The following UNC5A variants were observed in gnomAD, a reference collection of about 807,000 sequenced individuals.
UNC5A encodes the protein netrin receptor UNC5A.
A neutral mutation model predicts 87.4 loss-of-function variants in UNC5A; 20 were observed. The ratio of observed to expected loss-of-function variants is 0.23; its 90% CI spans 0.16 to 0.33. The LOEUF (loss-of-function observed/expected upper bound fraction) is 0.33, where lower values mean the gene tolerates loss of function less well. Among genes scored for constraint, UNC5A ranks in the 10% least tolerant of loss-of-function variants. The pLI is 1.00. For missense variants in UNC5A, 844 were observed against 1,133.4 expected (o/e 0.74, Z 3.67); for synonymous variants, 438 against 482.3 (o/e 0.91, Z 1.20).
At chr5:176,867,991 A>T (rs1758015128) in intron 2 of UNC5A, 139 bp from the exon 3 acceptor site, 2 of 603,054 alleles carry the variant, frequency 3.3e-6, no homozygotes, top group Non-Finnish European at 4.8e-6. Flanking sequence ...AAAATATAAT[A>T]ATAATAAAAT....
rs1413852416 is a variant in UNC5A at position 176,824,573 on chromosome 5, A to C, written c.70+13753A>C. Among the ~76,000 whole-genome samples the C allele has an allele frequency of 6.6e-6, 1 of 151,730 alleles. No individual in the cohort carries two copies. Among genetic ancestry groups the C allele is most frequent in the Non-Finnish European group, 1.5e-5 (1 of 67,992 alleles). On this transcript the variant is annotated intron_variant, in intron 1 of 14. Coordinates refer to ENST00000329542, the MANE Select transcript of UNC5A (RefSeq NM_133369.3). This position sits in a 1 kb window ranked among gnomAD's most constrained non-coding sequence, Gnocchi z 4.2. ...GAACATTCTAAAAAAAAAAGAGAGAAAGAGAGAGAATTCACATAAAAATCC... is the reference window on the plus strand; with the variant it reads ...GAACATTCTAAAAAAAAAAGAGAGACAGAGAGAGAATTCACATAAAAATCC...
In UNC5A at chr5:176,880,203, T is replaced by G; in HGVS notation, c.*317T>G. 2 of 277,738 alleles carry G rather than the reference T, an allele frequency of 7.2e-6. No homozygotes were observed. The highest frequency in any genetic ancestry group is 6.9e-6 in the Non-Finnish European group (1 of 144,808). 17.2% of individuals were successfully genotyped at this position (277,738 alleles called of 1,614,324 possible). A position where few individuals can be genotyped will look rare whatever the true frequency, so the allele number is the denominator to read the frequency against. ...GATGCTACCTCTCCTCCCGTCCCTCTCCAGGGGCCCCGCATACACACGGCC... is the reference window on the plus strand; with the variant it reads ...GATGCTACCTCTCCTCCCGTCCCTCGCCAGGGGCCCCGCATACACACGGCC... On this transcript the variant is annotated 3_prime_UTR_variant, in exon 15 of 15. Transcript: ENST00000329542.
chr5:176,865,283 G>A lies in UNC5A; in HGVS notation c.292+2438G>A, dbSNP rs1049785542. ...CCTGCTGCTCCCAGCACCCCCTTCC[G>A]GGCTCCCCCGCACACCCCTCTGTCT... On this transcript the variant is annotated intron_variant, in intron 2 of 14. Transcript: ENST00000329542. This position sits in a 1 kb window ranked among gnomAD's most constrained non-coding sequence, Gnocchi z 5.3. 2.1e-4 allele frequency among the ~76,000 whole-genome samples: 32 copies of A among 152,180 alleles called. 1 individual carries two copies. The highest frequency in any genetic ancestry group is 6.8e-3 in the Middle Eastern group (2 of 294).
At chr5:176,863,866 TTCC>T (rs1757909029) in intron 2 of UNC5A, among the ~76,000 whole-genome samples, 2 of 122,152 alleles carry the variant, frequency 1.6e-5, no homozygotes, top group Non-Finnish European at 1.7e-5. Context: ...TCTCCTACCT[TTCC>T]TCCTCCTCCT....
At chr5:176,837,381 C>G (rs564859864) in intron 1 of UNC5A, among the ~76,000 whole-genome samples, 13 of 152,324 alleles carry the variant, frequency 8.5e-5, no homozygotes, top group African/African-American at 2.9e-4. Flanking sequence ...CTTGCAGCCT[C>G]TCTCTCCGGC....
Position 176,812,319 on chromosome 5 carries a change from A to G in UNC5A, c.70+1499A>G, listed in dbSNP as rs1241069932. Among the ~76,000 whole-genome samples the G allele has an allele frequency of 2.0e-5, 3 of 152,106 alleles. 1 individual carries two copies. Among genetic ancestry groups the G allele is most frequent in the Non-Finnish European group, 4.4e-5 (3 of 68,020 alleles). Reference sequence around the variant, plus strand: ...GGGTGTTGCCTGACACCCAGTAGGTACCCTGGAAATGTTTTCTGAGTTGAT... The same window carrying G: ...GGGTGTTGCCTGACACCCAGTAGGTGCCCTGGAAATGTTTTCTGAGTTGAT... On this transcript the variant is annotated intron_variant, in intron 1 of 14. Transcript: ENST00000329542.
At position 176,868,597 on chromosome 5, in the gene UNC5A, A is replaced by G; in HGVS notation, c.473A>G (p.Lys158Arg). ...AACTTCGAGCAGGAGCCGCTGGCCA[A>G]GGAGGTGTCCCTGGAGCAGGGCATC... ...RKNFEQEPLA[K>R]EVSLEQGIVL... The change falls in exon 4 of 15, where the codon AAG becomes AGG. Residue 158 changes from lysine (K) to arginine (R), a missense_variant. Coordinates refer to ENST00000329542, the MANE Select transcript of UNC5A (RefSeq NM_133369.3). 6.2e-7 allele frequency: 1 copy of G among 1,607,214 alleles called. No homozygotes were observed. Among genetic ancestry groups the G allele is most frequent in the Non-Finnish European group, 8.5e-7 (1 of 1,177,516 alleles).
intron 2 of UNC5A, chr5:176,864,761 G>A: frequency 2.2e-6 from 1 of 450,482 alleles, no homozygotes; most frequent in East Asian, 7.0e-5. Flanking sequence ...CCTTGGGTTA[G>A]GTACTAGGAG....
rs1311339465 is a variant in UNC5A at position 176,869,033 on chromosome 5, G to A, written c.721+69G>A. On this transcript the variant is annotated intron_variant, in intron 5 of 14. Coordinates refer to ENST00000329542, the MANE Select transcript of UNC5A (RefSeq NM_133369.3). The surrounding 1 kb of genome is among the most constrained non-coding windows in gnomAD (Gnocchi z 9.1). ...GCCCCTGGGCAGTGACATGTGGCTGGTGGGGTGAAGAGAGGCCATGAGGCC... is the reference window on the plus strand; with the variant it reads ...GCCCCTGGGCAGTGACATGTGGCTGATGGGGTGAAGAGAGGCCATGAGGCC... The A allele has an allele frequency of 5.3e-6, 8 of 1,504,438 alleles. No individual in the cohort carries two copies. Among genetic ancestry groups the A allele is most frequent in the Non-Finnish European group, 7.1e-6 (8 of 1,122,924 alleles). The allele number at this position is 1,504,438 out of a possible 1,614,324, so 93.2% of individuals were successfully genotyped here.
chr5:176,825,536 A>G (rs572661360), intron 1 of UNC5A, among the ~76,000 whole-genome samples: 1 of 152,360 alleles, frequency 6.6e-6, no homozygotes, highest in South Asian at 2.1e-4. Flanking sequence ...AGAGCATGGA[A>G]GGATACCAGG....
At chr5:176,836,179 G>A (rs1757145025) in intron 1 of UNC5A, among the ~76,000 whole-genome samples, 1 of 152,210 alleles carries the variant, frequency 6.6e-6, no homozygotes, top group Admixed American at 6.5e-5. Context: ...AAGTCTGGGG[G>A]AAGGCAGCTT....
rs1281607596 is a variant in UNC5A, at chr5:176,866,823, C to A, written c.293-1307C>A. Reference sequence around the variant, plus strand: ...TGTCCACACTGGGTGTCTTAGAGAACGGGGCAGGTGGTGCCCAGAACGGAG... The same window carrying A: ...TGTCCACACTGGGTGTCTTAGAGAAAGGGGCAGGTGGTGCCCAGAACGGAG... On this transcript the variant is annotated intron_variant, in intron 2 of 14. Coordinates refer to ENST00000329542, the MANE Select transcript of UNC5A (RefSeq NM_133369.3). The surrounding 1 kb of genome is among the most constrained non-coding windows in gnomAD (Gnocchi z 5.0). Among the ~76,000 whole-genome samples the A allele has an allele frequency of 1.3e-5, 2 of 152,264 alleles. No homozygotes were observed. The highest frequency in any genetic ancestry group is 3.9e-4 in the East Asian group (2 of 5,174).
At chr5:176,830,680 G>C (rs1370565529) in intron 1 of UNC5A, among the ~76,000 whole-genome samples, 1 of 146,194 alleles carries the variant, frequency 6.8e-6, no homozygotes, top group African/African-American at 2.5e-5. Context: ...GTGTGGGAGT[G>C]TGTGCTGGCA....
At chr5:176,819,215 T>C (rs1198928559) in intron 1 of UNC5A, among the ~76,000 whole-genome samples, 2 of 152,128 alleles carry the variant, frequency 1.3e-5, no homozygotes, top group African/African-American at 4.8e-5. Context: ...CCCCCACATC[T>C]TTGTTACCTG....
intron 1 of UNC5A, among the ~76,000 whole-genome samples, chr5:176,814,564 C>T (rs1756544104): frequency 6.6e-6 from 1 of 152,234 alleles, no homozygotes. Flanking sequence ...AGTCCAGCCC[C>T]TCCCAAAGGC....
intron 14 of UNC5A, 74 bp from the exon 15 acceptor site, chr5:176,879,647 G>C: frequency 6.3e-7 from 1 of 1,581,584 alleles, no homozygotes; most frequent in African/African-American, 1.3e-5. Context: ...CCCTGCCCTG[G>C]GGTGGGCCAG....
At position 176,875,300 on chromosome 5, in the gene UNC5A, C is replaced by T. The variant is rs1478142884; in HGVS notation, c.1378+734C>T. 1.3e-5 allele frequency among the ~76,000 whole-genome samples: 2 copies of T among 152,184 alleles called. No homozygotes were observed. The highest frequency in any genetic ancestry group is 2.9e-5 in the Non-Finnish European group (2 of 68,028). On this transcript the variant is annotated intron_variant, in intron 8 of 14. Transcript: ENST00000329542. This position sits in a 1 kb window ranked among gnomAD's most constrained non-coding sequence, Gnocchi z 5.2. ...GTACACCCAGCTGCCTCCTGGCCAG[C>T]TCCATCTGGATGTCTCACATCACCT...
At chr5:176,858,550 T>C (rs958502059) in intron 1 of UNC5A, among the ~76,000 whole-genome samples, 2 of 151,644 alleles carry the variant, frequency 1.3e-5, no homozygotes, top group African/African-American at 4.9e-5. Context: ...ACAATGGAAA[T>C]GGGAGAAACA....
In UNC5A at chr5:176,862,500, G is replaced by T; in HGVS notation, c.71-124G>T. On this transcript the variant is annotated intron_variant, in intron 1 of 14. Coordinates refer to ENST00000329542, the MANE Select transcript of UNC5A (RefSeq NM_133369.3). ...GCCTGAGATTGCCCAGCTGGGACATGGCAGAGCCTGGACTCACTCTCCTCC... is the reference window on the plus strand; with the variant it reads ...GCCTGAGATTGCCCAGCTGGGACATTGCAGAGCCTGGACTCACTCTCCTCC... 2 of 920,376 alleles carry T rather than the reference G, an allele frequency of 2.2e-6. 1 individual carries two copies. The highest frequency in any genetic ancestry group is 2.8e-5 in the South Asian group (2 of 70,802). The allele number at this position is 920,376 out of a possible 1,614,324, so 57.0% of individuals were successfully genotyped here.
Sources: allele counts gnomAD v4.1 joint callset (sites outside exome capture counted in the v4.1 genomes callset), GRCh38; gene constraint gnomAD v4.1.1; non-coding constraint Gnocchi (gnomAD v3.1); transcripts MANE v1.5; gene names NCBI Gene and HGNC (gene_info 2026-07-23, HGNC 2026-07-21).